PRKCZ: variants seen among roughly 807,000 people sequenced by gnomAD.
PRKCZ encodes protein kinase C zeta type.
A neutral mutation model predicts 79.5 loss-of-function variants in PRKCZ; 33 were observed. That is an observed-to-expected ratio of 0.41 (90% CI 0.31 to 0.55). PRKCZ has a LOEUF of 0.55. PRKCZ is among the 20% of genes least tolerant of loss of function. The pLI is 0.19. For synonymous variants in PRKCZ, 342 were observed against 320.9 expected, an observed-to-expected ratio of 1.07 and a Z score of -0.70; for missense variants, 578 against 813.5, an observed-to-expected ratio of 0.71 and a Z score of 3.52.
intron 4 of PRKCZ, among the ~76,000 whole-genome samples, chr1:2,060,304 C>T (rs1026163130): frequency 6.6e-6 from 1 of 152,222 alleles, no homozygotes; most frequent in African/African-American, 2.4e-5. Context: ...CTTCCCCCAC[C>T]CCTGCTGCCA....
chr1:2,054,804 A>T (rs1171042175), intron 1 of PRKCZ, among the ~76,000 whole-genome samples: 1 of 152,082 alleles, frequency 6.6e-6, no homozygotes, highest in African/African-American at 2.4e-5. Context: ...ATTTGGGTGA[A>T]CTTGAACGAG....
At chr1:2,056,809 A>T (rs1660210435) in intron 3 of PRKCZ, among the ~76,000 whole-genome samples, 2 of 150,834 alleles carry the variant, frequency 1.3e-5, no homozygotes, top group African/African-American at 4.9e-5. Flanking sequence ...GCTCACTGCA[A>T]GCTCCGCCTC....
chr1:2,059,303 T>A (rs1660457286), intron 3 of PRKCZ, among the ~76,000 whole-genome samples: 2 of 152,260 alleles, frequency 1.3e-5, no homozygotes, highest in Admixed American at 6.5e-5. Context: ...GGCTTTGCTG[T>A]CCAGGTCCCT....
intron 5 of PRKCZ, among the ~76,000 whole-genome samples, chr1:2,136,566 G>A (rs1055307202): frequency 2.0e-5 from 3 of 152,164 alleles, no homozygotes; most frequent in Admixed American, 2.0e-4. Flanking sequence ...AGGCCCTGAG[G>A]ACGAGGTTGG....
At position 2,173,788 on chromosome 1, in the gene PRKCZ, G is replaced by A. The variant is rs1684927700; in HGVS notation, c.1286-109G>A. The A allele has an allele frequency of 6.9e-7, 1 of 1,456,084 alleles. No homozygotes were observed. Among genetic ancestry groups the A allele is most frequent in the African/African-American group, 1.4e-5 (1 of 69,550 alleles). The allele number at this position is 1,456,084 out of a possible 1,614,324, so 90.2% of individuals were successfully genotyped here. On this transcript the variant is annotated intron_variant, in intron 13 of 17. Transcript: ENST00000378567. The surrounding 1 kb of genome is among the most constrained non-coding windows in gnomAD (Gnocchi z 5.7). ...AGAGGCCTGTGTGCCGCCTGCTCAA[G>A]CCTGGCTCACACTCGTGTCAACTGG...
chr1:2,071,453 C>T, intron 4 of PRKCZ: 1 of 282,710 alleles, frequency 3.5e-6, no homozygotes, highest in South Asian at 2.7e-5. Flanking sequence ...GGCGGGTTAC[C>T]ACGGAAGCCT....
intron 4 of PRKCZ, among the ~76,000 whole-genome samples, chr1:2,124,560 AC>A (rs1458267068): frequency 3.3e-5 from 5 of 151,796 alleles, no homozygotes; most frequent in African/African-American, 1.2e-4. Flanking sequence ...GCAAGGAGAT[AC>A]CCCGCCCTGC....
intron 4 of PRKCZ, among the ~76,000 whole-genome samples, chr1:2,085,802 G>A (rs377181849): frequency 6.6e-6 from 1 of 152,208 alleles, no homozygotes; most frequent in East Asian, 1.9e-4. Context: ...CGTGCTGGAG[G>A]GGCTGAGGAT....
chr1:2,085,605 C>G (rs1664358821), intron 4 of PRKCZ, among the ~76,000 whole-genome samples: 1 of 152,078 alleles, frequency 6.6e-6, no homozygotes, highest in South Asian at 2.1e-4. Flanking sequence ...GGGCCCTGTT[C>G]TCAGAGCCCG....
Position 2,094,455 on chromosome 1 carries a change from C to T in PRKCZ, c.334+34864C>T, listed in dbSNP as rs1232521644. Among the ~76,000 whole-genome samples, 8 of 148,492 alleles carry T rather than the reference C, an allele frequency of 5.4e-5. No homozygotes were observed. The highest frequency in any genetic ancestry group is 1.3e-4 in the African/African-American group (5 of 39,886). On this transcript the variant is annotated intron_variant, in intron 4 of 17. Transcript: ENST00000378567. The surrounding 1 kb of genome is among the most constrained non-coding windows in gnomAD (Gnocchi z 7.3). Reference sequence around the variant, plus strand: ...CCCGTTCTGAGGCACCCGCTGTGCCCGGCTCGTTGAACCTTGGGCGCTGCC... The same window carrying T: ...CCCGTTCTGAGGCACCCGCTGTGCCTGGCTCGTTGAACCTTGGGCGCTGCC...
At chr1:2,132,597 C>G (rs1035400817) in intron 4 of PRKCZ, among the ~76,000 whole-genome samples, 3 of 152,250 alleles carry the variant, frequency 2.0e-5, no homozygotes, top group African/African-American at 7.2e-5. Context: ...ATGCTTGTGT[C>G]TCTCTCGGGC....
At position 2,121,638 on chromosome 1, in the gene PRKCZ, GTAGT is replaced by G. The variant is rs1284191401; in HGVS notation, c.335-13620_335-13617del. On this transcript the variant is annotated intron_variant, in intron 4 of 17. Coordinates refer to ENST00000378567, the MANE Select transcript of PRKCZ (RefSeq NM_002744.6). ...CATGGTGGTGGTTAGGGTCACAGTG[GTAGT>G]TAGGGTCACGGTGGTGGTTAGGGTC... Among the ~76,000 whole-genome samples, 5 of 51,584 alleles carry G rather than the reference GTAGT, an allele frequency of 9.7e-5. 2 individuals are homozygous for G. The highest frequency in any genetic ancestry group is 2.5e-4 in the Non-Finnish European group (5 of 19,758). The allele number at this position is 51,584 out of a possible 152,430, so 33.8% of individuals were successfully genotyped here. A position where few individuals can be genotyped will look rare whatever the true frequency, so the allele number is the denominator to read the frequency against.
At chr1:2,123,991 C>T (rs1362495175) in intron 4 of PRKCZ, among the ~76,000 whole-genome samples, 1 of 8,228 alleles carries the variant, frequency 1.2e-4, no homozygotes, top group Non-Finnish European at 1.9e-4. Context: ...TGGTTAGGGT[C>T]GTGGTGGTTA....
chr1:2,072,009 A>G (rs1473662215), intron 4 of PRKCZ, among the ~76,000 whole-genome samples: 1 of 152,256 alleles, frequency 6.6e-6, no homozygotes, highest in African/African-American at 2.4e-5. Context: ...TATTCAGCCA[A>G]TTAAAAGCGT....
In PRKCZ at chr1:2,091,065, C is replaced by T. The variant is rs117165990; in HGVS notation, c.334+31474C>T. ...TGTTTTTTTGAGCTGGAGTCTCACT[C>T]TTGTTGCCCAGGCTGGACTGCAGTG... On this transcript the variant is annotated intron_variant, in intron 4 of 17. Coordinates refer to ENST00000378567, the MANE Select transcript of PRKCZ (RefSeq NM_002744.6). Among the ~76,000 whole-genome samples, 484 of 152,304 alleles carry T rather than the reference C, an allele frequency of 3.2e-3. 23 individuals carry two copies. In the East Asian group the frequency reaches 0.079, roughly 25 times the overall value.
intron 16 of PRKCZ, among the ~76,000 whole-genome samples, chr1:2,183,393 CA>C (rs917976225): frequency 6.7e-6 from 1 of 149,490 alleles, no homozygotes; most frequent in Admixed American, 6.6e-5. Flanking sequence ...GACTCCATCT[CA>C]AAAAAAAAGT....
At position 2,128,916 on chromosome 1, in the gene PRKCZ, C is replaced by T. The variant is rs993385525; in HGVS notation, c.335-6346C>T. 2.0e-5 allele frequency among the ~76,000 whole-genome samples: 3 copies of T among 152,156 alleles called. No homozygotes were observed. The highest frequency in any genetic ancestry group is 2.0e-4 in the Admixed American group (3 of 15,278). ...CCGGTAGTATCTGGGGGCCAGGGGC[C>T]GTTTCCAGAGCACACTCCCCAGAAG... On this transcript the variant is annotated intron_variant, in intron 4 of 17. Transcript: ENST00000378567. The surrounding 1 kb of genome is among the most constrained non-coding windows in gnomAD (Gnocchi z 6.5).
At chr1:2,134,066 C>CG (rs1344431155) in intron 4 of PRKCZ, 5 of 151,770 alleles carry the variant, frequency 3.3e-5, no homozygotes, top group African/African-American at 1.2e-4. Context: ...TGCTGGGAGT[C>CG]GCGTCTGTGG....
chr1:2,154,417 G>A (rs557902963), intron 9 of PRKCZ, among the ~76,000 whole-genome samples: 3 of 152,218 alleles, frequency 2.0e-5, no homozygotes, highest in Non-Finnish European at 4.4e-5. Context: ...CGAGGAGGAG[G>A]AGGGCGCTGA....
Sources: allele counts gnomAD v4.1 joint callset (sites outside exome capture counted in the v4.1 genomes callset), GRCh38; gene constraint gnomAD v4.1.1; non-coding constraint Gnocchi (gnomAD v3.1); transcripts MANE v1.5; gene names NCBI Gene and HGNC (gene_info 2026-07-23, HGNC 2026-07-21).